The following WDR47 variants were observed in gnomAD, a reference collection of about 807,000 sequenced individuals.
The protein encoded by WDR47 is WD repeat domain 47, also known as WD repeat-containing protein 47.
In WDR47, 32 loss-of-function variants were observed where a neutral mutation model predicts 97.2. That is an observed-to-expected ratio of 0.33 (90% CI 0.25 to 0.44). The LOEUF (loss-of-function observed/expected upper bound fraction) is 0.44, where lower values mean the gene tolerates loss of function less well. WDR47 is among the 20% of genes least tolerant of loss of function. The pLI is 1.00. For synonymous variants in WDR47, 375 were observed against 373.5 expected (o/e 1.00, Z -0.05); for missense variants, 782 against 1,102.3 (o/e 0.71, Z 4.11).
intron 3 of WDR47, among the ~76,000 whole-genome samples, chr1:109,016,735 TC>T (rs1490449333): frequency 6.6e-6 from 1 of 151,644 alleles, no homozygotes; most frequent in Admixed American, 6.6e-5. Flanking sequence ...ATTCAGAGCC[TC>T]AAGAGTGAAG....
intron 2 of WDR47, 129 bp from the exon 3 acceptor site, chr1:109,017,730 C>A: frequency 1.4e-6 from 1 of 735,136 alleles, no homozygotes; most frequent in Non-Finnish European, 2.1e-6. Flanking sequence ...TTATTTGATT[C>A]CTCAAATAAA....
intron 5 of WDR47, among the ~76,000 whole-genome samples, chr1:109,007,129 C>T (rs1660684352): frequency 6.8e-6 from 1 of 147,870 alleles, no homozygotes; most frequent in Non-Finnish European, 1.5e-5. Flanking sequence ...TCTGTAGAGA[C>T]AAGTTTTCAA....
rs752044746 is a variant in WDR47 at position 108,986,651 on chromosome 1, A to G, written c.1797T>C (p.Cys599=). The G allele has an allele frequency of 1.2e-6, 2 of 1,610,634 alleles. No individual in the cohort carries two copies. The highest frequency in any genetic ancestry group is 3.4e-5 in the Admixed American group (2 of 59,194). Residue 599 remains cysteine (C), a synonymous_variant, in exon 10 of 15, where the codon TGT becomes TGC. Transcript: ENST00000369962. The part of the protein sequence containing the change: ...EDDKSKKQFV[C]INILEDTQAV... ...CTTGTGTGTCTTCTAGGATATTAAT[A>G]CAAACAAACTGCTTTTTTGATTTGT...
intron 3 of WDR47, among the ~76,000 whole-genome samples, chr1:109,014,906 T>C (rs1346008256): frequency 6.6e-6 from 1 of 152,160 alleles, no homozygotes; most frequent in Admixed American, 6.6e-5. Context: ...TCAGCCACTG[T>C]TGTAGTAGCA....
intron 10 of WDR47, among the ~76,000 whole-genome samples, chr1:108,985,568 A>G (rs1467392184): frequency 6.6e-6 from 1 of 152,242 alleles, no homozygotes; most frequent in African/African-American, 2.4e-5. Context: ...AGTTCCATGA[A>G]GCCAATAAAC....
At chr1:109,036,557 C>T (rs558381136) in intron 1 of WDR47, among the ~76,000 whole-genome samples, 3 of 136,310 alleles carry the variant, frequency 2.2e-5, no homozygotes, top group African/African-American at 8.2e-5. Context: ...AAAACATAGT[C>T]CAGGCGCGGT....
At chr1:109,000,573 C>A (rs1243654790) in intron 7 of WDR47, among the ~76,000 whole-genome samples, 1 of 146,512 alleles carries the variant, frequency 6.8e-6, no homozygotes, top group Non-Finnish European at 1.5e-5. Context: ...CACTTTGGGA[C>A]GTTGAGATGG....
chr1:108,983,574 T>C (rs944484875), intron 10 of WDR47, 123 bp from the exon 11 acceptor site: 17 of 784,434 alleles, frequency 2.2e-5, no homozygotes, highest in Non-Finnish European at 3.0e-5. Context: ...AGCTTATTAA[T>C]AGTTTTCAAA....
intron 14 of WDR47, among the ~76,000 whole-genome samples, chr1:108,972,467 CATT>C (rs1404898873): frequency 1.3e-5 from 2 of 152,090 alleles, no homozygotes; most frequent in Admixed American, 6.5e-5. Context: ...AAAGGCTTCA[CATT>C]ATACTTTTTA....
chr1:109,033,584 T>C (rs1287019342), intron 1 of WDR47, among the ~76,000 whole-genome samples: 1 of 152,250 alleles, frequency 6.6e-6, no homozygotes, highest in East Asian at 1.9e-4. Context: ...TATCTAGTTT[T>C]GGCAAGAGTG....
intron 2 of WDR47, among the ~76,000 whole-genome samples, chr1:109,018,131 A>G (rs559391888): frequency 1.3e-5 from 2 of 152,164 alleles, no homozygotes; most frequent in East Asian, 3.9e-4. Context: ...CTAACTATAT[A>G]TATGTGGGTT....
chr1:108,984,648 G>A (rs1344157038), intron 10 of WDR47, among the ~76,000 whole-genome samples: 1 of 152,194 alleles, frequency 6.6e-6, no homozygotes, highest in Non-Finnish European at 1.5e-5. Context: ...GGGAGGCCGA[G>A]GAGGGCGGAT....
chr1:108,986,969 T>G (rs979685793), intron 9 of WDR47: 3 of 248,052 alleles, frequency 1.2e-5, no homozygotes, highest in Non-Finnish European at 2.5e-5. Context: ...GTGATGCTTC[T>G]TATCTTTACT....
chr1:109,023,317 G>C (rs375279965), intron 2 of WDR47, 38 bp downstream of exon 2: 1 of 1,582,284 alleles, frequency 6.3e-7, no homozygotes, highest in Middle Eastern at 1.7e-4. Flanking sequence ...ACATTTCTTC[G>C]AAGGAGCTAC....
At chr1:108,983,480 T>C in intron 10 of WDR47, 29 bp from the exon 11 acceptor site, 1 of 1,512,776 alleles carries the variant, frequency 6.6e-7, no homozygotes, top group Non-Finnish European at 8.9e-7. Flanking sequence ...GAAATATATT[T>C]CAATTTCTTG....
intron 10 of WDR47, 86 bp from the exon 11 acceptor site, chr1:108,983,537 G>A: frequency 1.7e-6 from 2 of 1,174,492 alleles, no homozygotes; most frequent in Non-Finnish European, 2.2e-6. Flanking sequence ...TGTTCTTGAA[G>A]GAAGGAGAAA....
At chr1:108,985,807 T>C (rs1237910955) in intron 10 of WDR47, among the ~76,000 whole-genome samples, 1 of 152,156 alleles carries the variant, frequency 6.6e-6, no homozygotes, top group African/African-American at 2.4e-5. Flanking sequence ...CACTCCCTTA[T>C]AGAGAATTTT....
intron 6 of WDR47, among the ~76,000 whole-genome samples, chr1:109,004,181 C>T (rs1467769412): frequency 6.6e-6 from 1 of 151,518 alleles, no homozygotes; most frequent in African/African-American, 2.4e-5. Context: ...AGGAGAGTGG[C>T]ACAAACCCGG....
chr1:109,040,408 C>T (rs1379220513), intron 1 of WDR47, among the ~76,000 whole-genome samples: 1 of 151,940 alleles, frequency 6.6e-6, no homozygotes, highest in Non-Finnish European at 1.5e-5. Flanking sequence ...TAGGATAGTA[C>T]CCCTGTTCTC....
Sources: gnomAD v4.1 joint callset for allele counts (sites outside exome capture counted in the v4.1 genomes callset) on GRCh38, gnomAD v4.1.1 for gene constraint, MANE v1.5 for transcripts, NCBI Gene and HGNC (gene_info 2026-07-23, HGNC 2026-07-21) for gene names.